NRXN1: variants seen among roughly 807,000 people sequenced by gnomAD.
NRXN1 encodes the protein neurexin 1.
A neutral mutation model predicts 150.9 loss-of-function variants in NRXN1; 39 were observed. The observed-to-expected ratio is 0.26, with a 90% CI of 0.20 to 0.34. The LOEUF is 0.34. Ranked by LOEUF, NRXN1 falls within the 10% of genes least tolerant of loss-of-function variation. The pLI, the probability that NRXN1 is intolerant of heterozygous loss-of-function variation, is 1.00. For synonymous variants in NRXN1, 924 were observed against 757.0 expected, an observed-to-expected ratio of 1.22 and a Z score of -3.62; for missense variants, 1,815 against 1,949.9, an observed-to-expected ratio of 0.93 and a Z score of 1.30.
Position 50,910,771 on chromosome 2 carries a change from C to T in NRXN1, c.832+11098G>A, listed in dbSNP as rs149658157. Among the ~76,000 whole-genome samples the T allele has an allele frequency of 1.9e-3, 291 of 151,916 alleles. 3 individuals carry two copies. Among genetic ancestry groups the T allele is most frequent in the African/African-American group, 6.6e-3 (273 of 41,480 alleles). On this transcript the variant is annotated intron_variant, in intron 5 of 22. Transcript: ENST00000401669. ...AGTTTGGGGTAGGAGTGCCAGTGTG[C>T]GCAATGACTGAATATATACTGCTAA... is the stretch of plus-strand genomic sequence containing the variant.
intron 21 of NRXN1, among the ~76,000 whole-genome samples, chr2:49,955,639 C>T (rs1674793747): frequency 6.6e-6 from 1 of 151,614 alleles, no homozygotes; most frequent in African/African-American, 2.4e-5. Context: ...TAATATTCCT[C>T]AACTATCTCT....
intron 17 of NRXN1, among the ~76,000 whole-genome samples, chr2:50,284,102 C>T (rs79337630): frequency 6.6e-6 from 1 of 152,306 alleles, no homozygotes; most frequent in African/African-American, 2.4e-5. Context: ...AATGCACATT[C>T]ATGATTGAGA....
intron 13 of NRXN1, among the ~76,000 whole-genome samples, chr2:50,498,111 G>A (rs1310999206): frequency 6.6e-6 from 1 of 152,112 alleles, no homozygotes; most frequent in South Asian, 2.1e-4. Flanking sequence ...CACCCAACTA[G>A]AAAGTGATAC....
Position 51,024,562 on chromosome 2 carries a change from G to T in NRXN1, c.772+2940C>A, listed in dbSNP as rs903821023. On this transcript the variant is annotated intron_variant, in intron 2 of 22. Transcript: ENST00000401669. ...AACAATACATAAATAAATAAAACTT[G>T]CTAGGCTCAAACACAAAGCCAGGAT... Among the ~76,000 whole-genome samples, 4 of 152,036 alleles carry T rather than the reference G, an allele frequency of 2.6e-5. No individual in the cohort carries two copies. In the South Asian group the frequency reaches 8.3e-4, roughly 32 times the overall value.
intron 18 of NRXN1, among the ~76,000 whole-genome samples, chr2:50,131,646 C>A (rs1159719325): frequency 6.6e-6 from 1 of 152,172 alleles, no homozygotes; most frequent in Non-Finnish European, 1.5e-5. Flanking sequence ...ATCTTCAAAG[C>A]ACTTTATTCA....
At chr2:50,610,526 A>G (rs1228797346) in intron 8 of NRXN1, among the ~76,000 whole-genome samples, 1 of 150,294 alleles carries the variant, frequency 6.7e-6, no homozygotes, top group Non-Finnish European at 1.5e-5. Flanking sequence ...GGAAGCTTGT[A>G]TTGTAAATCT....
chr2:50,760,983 C>A (rs1701737976), intron 5 of NRXN1, among the ~76,000 whole-genome samples: 1 of 151,888 alleles, frequency 6.6e-6, no homozygotes, highest in Non-Finnish European at 1.5e-5. Context: ...TAACCATGAC[C>A]CAAACCAACC....
intron 5 of NRXN1, among the ~76,000 whole-genome samples, chr2:50,718,731 G>A (rs1248734802): frequency 6.6e-6 from 1 of 152,122 alleles, no homozygotes; most frequent in Non-Finnish European, 1.5e-5. Flanking sequence ...TTGCATTCAT[G>A]TGCCTGCGTG....
At chr2:50,424,147 G>GGGAGGA (rs2084257525) in intron 17 of NRXN1, among the ~76,000 whole-genome samples, 2 of 111,786 alleles carry the variant, frequency 1.8e-5, no homozygotes, top group East Asian at 3.3e-4. Context: ...GGAGGAGGGG[G>GGGAGGA]GGAGGAGGAA....
At chr2:50,208,325 T>G (rs886801263) in intron 18 of NRXN1, among the ~76,000 whole-genome samples, 1 of 152,048 alleles carries the variant, frequency 6.6e-6, no homozygotes, top group African/African-American at 2.4e-5. Flanking sequence ...CATCTTCATC[T>G]CACAAACAGT....
intron 8 of NRXN1, among the ~76,000 whole-genome samples, chr2:50,606,993 A>G (rs1677239194): frequency 6.6e-6 from 1 of 152,166 alleles, no homozygotes; most frequent in Non-Finnish European, 1.5e-5. Flanking sequence ...GGTGGACAGT[A>G]GGGGTGGTGG....
intron 19 of NRXN1, among the ~76,000 whole-genome samples, chr2:50,086,087 G>C (rs898012902): frequency 6.6e-6 from 1 of 152,122 alleles, no homozygotes; most frequent in Admixed American, 6.5e-5. Context: ...GAAGAACGTT[G>C]AAGTTCCTTC....
chr2:50,960,407 A>T lies in NRXN1; in HGVS notation c.773-34452T>A, dbSNP rs535971002. On this transcript the variant is annotated intron_variant, in intron 2 of 22. Transcript: ENST00000401669. ...TTAAGTAGTCCTCTCTTCTTAGGGTAAATGTACTCCGCATTTTAAATGATT... is the reference window on the plus strand; with the variant it reads ...TTAAGTAGTCCTCTCTTCTTAGGGTTAATGTACTCCGCATTTTAAATGATT... 3.5e-5 allele frequency among the ~76,000 whole-genome samples: 5 copies of T among 144,614 alleles called. No individual in the cohort carries two copies. The Admixed American group carries it at 3.6e-4, about 10-fold the overall frequency. 94.9% of individuals were successfully genotyped at this position (144,614 alleles called of 152,430 possible). A position where few individuals can be genotyped will look rare whatever the true frequency, so the allele number is the denominator to read the frequency against.
At chr2:50,742,112 T>C (rs894276375) in intron 5 of NRXN1, among the ~76,000 whole-genome samples, 1 of 152,126 alleles carries the variant, frequency 6.6e-6, no homozygotes, top group African/African-American at 2.4e-5. Flanking sequence ...CCACAGGTAA[T>C]TTTATCACTT....
chr2:50,170,756 C>CGTGTGTGT (rs58130457), intron 18 of NRXN1, among the ~76,000 whole-genome samples: 3 of 143,214 alleles, frequency 2.1e-5, no homozygotes, highest in Admixed American at 7.0e-5. Context: ...CTCTGTCTGT[C>CGTGTGTGT]GTGTGTGTGT....
At chr2:50,529,134 T>C (rs1481602640) in intron 11 of NRXN1, among the ~76,000 whole-genome samples, 1 of 152,198 alleles carries the variant, frequency 6.6e-6, no homozygotes. Flanking sequence ...AAGTTAAAAT[T>C]ATTCTTATCT....
Position 50,334,192 on chromosome 2 carries a change from A to ATTTTATATAT in NRXN1, c.3365-97223_3365-97222insATATATAAAA, listed in dbSNP as rs1553457970. On this transcript the variant is annotated intron_variant, in intron 17 of 22. Transcript: ENST00000401669. ...CTGCCTTTCCTTAAGACCAGGACCAAATATATATATATATATATATGTATG... is the reference window on the plus strand; with the variant it reads ...CTGCCTTTCCTTAAGACCAGGACCAATTTTATATATATATATATATATATATATATGTATG... Among the ~76,000 whole-genome samples, 73 of 118,938 alleles carry ATTTTATATAT rather than the reference A, an allele frequency of 6.1e-4. 2 individuals carry two copies. The highest frequency in any genetic ancestry group is 1.3e-3 in the South Asian group (5 of 3,822). The allele number at this position is 118,938 out of a possible 152,430, so 78.0% of individuals were successfully genotyped here.
At chr2:50,558,405 G>T (rs1418718927) in intron 8 of NRXN1, among the ~76,000 whole-genome samples, 2 of 152,170 alleles carry the variant, frequency 1.3e-5, no homozygotes, top group Non-Finnish European at 2.9e-5. Flanking sequence ...TCAAACAGCT[G>T]TTTGTCATTA....
chr2:50,911,770 AAGTTGCCACAT>A lies in NRXN1; in HGVS notation c.832+10088_832+10098del, dbSNP rs1468012070. Among the ~76,000 whole-genome samples the A allele has an allele frequency of 9.9e-5, 15 of 151,998 alleles. No homozygotes were observed. The East Asian group carries it at 2.7e-3, about 28-fold the overall frequency. ...GGTGGGCATTACATACAAAGTTTAA[AAGTTGCCACAT>A]ATTCAATTTGATTTTTGTTTTGTCT... On this transcript the variant is annotated intron_variant, in intron 5 of 22. Transcript: ENST00000401669.
Sources: gnomAD v4.1 joint callset for allele counts (sites outside exome capture counted in the v4.1 genomes callset) on GRCh38, gnomAD v4.1.1 for gene constraint, MANE v1.5 for transcripts, NCBI Gene and HGNC (gene_info 2026-07-23, HGNC 2026-07-21) for gene names.